CEP128: variants seen among roughly 807,000 people sequenced by gnomAD.
CEP128 encodes the protein centrosomal protein 128.
Under a neutral mutation model 156.7 loss-of-function variants are expected in CEP128, and 132 were observed. The observed-to-expected ratio is 0.84, with a 90% CI of 0.73 to 0.97. The LOEUF (loss-of-function observed/expected upper bound fraction) is 0.97, where lower values mean the gene tolerates loss of function less well. Among genes scored for constraint, CEP128 ranks in the 50% least tolerant of loss-of-function variants. The pLI, the probability that CEP128 is intolerant of heterozygous loss-of-function variation, is 0.00. For synonymous variants in CEP128, 469 were observed against 448.9 expected, an observed-to-expected ratio of 1.04 and a Z score of -0.57; for missense variants, 1,252 against 1,281.9, an observed-to-expected ratio of 0.98 and a Z score of 0.36.
At chr14:80,639,706 T>C (rs1053277869) in intron 19 of CEP128, among the ~76,000 whole-genome samples, 1 of 152,176 alleles carries the variant, frequency 6.6e-6, no homozygotes, top group African/African-American at 2.4e-5. Flanking sequence ...CTTTCTGTGA[T>C]GACTAGTCTT....
chr14:80,765,269 T>C (rs1342637804), intron 16 of CEP128, among the ~76,000 whole-genome samples: 1 of 152,240 alleles, frequency 6.6e-6, no homozygotes, highest in Non-Finnish European at 1.5e-5. Context: ...GAAGTAGCGC[T>C]TTCTCGCAGT....
chr14:80,591,470 T>C (rs1368304173), intron 19 of CEP128, among the ~76,000 whole-genome samples: 2 of 152,150 alleles, frequency 1.3e-5, no homozygotes, highest in Non-Finnish European at 2.9e-5. Flanking sequence ...CCTAATTATA[T>C]ATGTACCCAA....
At chr14:80,956,758 C>G (rs1186478208) in intron 2 of CEP128, among the ~76,000 whole-genome samples, 1 of 152,102 alleles carries the variant, frequency 6.6e-6, no homozygotes, top group East Asian at 1.9e-4. Context: ...TAGATTTTCT[C>G]AAGAATTTAG....
chr14:80,625,690 A>G (rs776676056), intron 19 of CEP128, among the ~76,000 whole-genome samples: 19 of 151,772 alleles, frequency 1.3e-4, no homozygotes, highest in Non-Finnish European at 1.8e-4. Flanking sequence ...ATTTATTCCT[A>G]TAATCTTTCT....
intron 19 of CEP128, among the ~76,000 whole-genome samples, chr14:80,723,377 A>T (rs185385367): frequency 1.6e-4 from 25 of 152,362 alleles, no homozygotes; most frequent in Admixed American, 1.2e-3. Flanking sequence ...AAGATCCTTT[A>T]AAGAACTCAC....
At chr14:80,806,952 CTT>C (rs35955262) in intron 13 of CEP128, among the ~76,000 whole-genome samples, 4,904 of 152,162 alleles carry the variant, frequency 0.032, 250 homozygotes, top group African/African-American at 0.11. Flanking sequence ...AATACAGTAA[CTT>C]TGTGCACTTG....
At chr14:80,583,137 T>C (rs1326915071) in intron 19 of CEP128, among the ~76,000 whole-genome samples, 1 of 152,130 alleles carries the variant, frequency 6.6e-6, no homozygotes, top group Non-Finnish European at 1.5e-5. Flanking sequence ...TAAAATTATG[T>C]TCTCAGTTTT....
chr14:80,648,467 A>T (rs1325598863), intron 19 of CEP128, among the ~76,000 whole-genome samples: 3 of 152,134 alleles, frequency 2.0e-5, no homozygotes, highest in African/African-American at 7.2e-5. Context: ...AATTAATATT[A>T]TAACTAATAT....
chr14:80,795,605 T>G lies in CEP128; in HGVS notation c.1210-2495A>C, dbSNP rs1202131765. ...AGGACTATCAGTTGATGTGACCACATAGAGAGTCAACTCACTGGCACCCAG... is the reference window on the plus strand; with the variant it reads ...AGGACTATCAGTTGATGTGACCACAGAGAGAGTCAACTCACTGGCACCCAG... On this transcript the variant is annotated intron_variant, in intron 13 of 24. Transcript: ENST00000555265. 2.6e-5 allele frequency among the ~76,000 whole-genome samples: 4 copies of G among 152,160 alleles called. No homozygotes were observed. In the South Asian group the frequency reaches 8.3e-4, roughly 32 times the overall value.
chr14:80,768,278 G>A lies in CEP128; in HGVS notation c.2377-6665C>T, dbSNP rs1013046766. On this transcript the variant is annotated intron_variant, in intron 16 of 24. Coordinates refer to ENST00000555265, the MANE Select transcript of CEP128 (RefSeq NM_152446.5). Reference sequence around the variant, plus strand: ...GCTATTGTAACTATCAAGACAAGACGATATCACAATAGTGAGAGCCCTGGA... The same window carrying A: ...GCTATTGTAACTATCAAGACAAGACAATATCACAATAGTGAGAGCCCTGGA... 7.2e-5 allele frequency among the ~76,000 whole-genome samples: 11 copies of A among 152,242 alleles called. No homozygotes were observed. In the East Asian group the frequency reaches 1.7e-3, roughly 24 times the overall value.
At chr14:80,605,831 T>C (rs1056115365) in intron 19 of CEP128, among the ~76,000 whole-genome samples, 2 of 151,976 alleles carry the variant, frequency 1.3e-5, no homozygotes, top group Admixed American at 1.3e-4. Context: ...GTGGTTTTAG[T>C]CCCTTTCTAT....
intron 16 of CEP128, among the ~76,000 whole-genome samples, chr14:80,774,588 T>C (rs1359825831): frequency 6.6e-6 from 1 of 152,082 alleles, no homozygotes; most frequent in African/African-American, 2.4e-5. Context: ...TGTGTATCCA[T>C]ATTTCTTTAC....
chr14:80,724,115 T>G (rs1897925636), intron 19 of CEP128, among the ~76,000 whole-genome samples: 1 of 152,202 alleles, frequency 6.6e-6, no homozygotes, highest in South Asian at 2.1e-4. Context: ...TGCTATTGCT[T>G]TCAAATATTT....
intron 20 of CEP128, among the ~76,000 whole-genome samples, chr14:80,579,964 T>G (rs1168210646): frequency 6.6e-6 from 1 of 152,172 alleles, no homozygotes; most frequent in African/African-American, 2.4e-5. Flanking sequence ...TAAGCTCTAT[T>G]TATGTGTTAA....
At chr14:80,747,425 A>T (rs1314793923) in intron 18 of CEP128, among the ~76,000 whole-genome samples, 1 of 152,248 alleles carries the variant, frequency 6.6e-6, no homozygotes, top group East Asian at 1.9e-4. Context: ...GTCATGATAC[A>T]TGCTAAAATG....
At chr14:80,805,536 T>C (rs963245585) in intron 13 of CEP128, among the ~76,000 whole-genome samples, 4 of 152,174 alleles carry the variant, frequency 2.6e-5, no homozygotes, top group Non-Finnish European at 5.9e-5. Flanking sequence ...AGTTTTGCTT[T>C]TATTGAATAA....
chr14:80,637,673 G>C (rs1156610551), intron 19 of CEP128, among the ~76,000 whole-genome samples: 1 of 152,122 alleles, frequency 6.6e-6, no homozygotes, highest in Non-Finnish European at 1.5e-5. Flanking sequence ...AAAGAGACCA[G>C]GTCTTAAACC....
chr14:80,881,184 T>G (rs1888536500), intron 8 of CEP128, among the ~76,000 whole-genome samples: 1 of 151,776 alleles, frequency 6.6e-6, no homozygotes, highest in Admixed American at 6.6e-5. Flanking sequence ...TTAGTCAAAC[T>G]AAGAAAAAAA....
At chr14:80,722,972 A>G (rs1459328436) in intron 19 of CEP128, among the ~76,000 whole-genome samples, 6 of 151,766 alleles carry the variant, frequency 4.0e-5, no homozygotes, top group Non-Finnish European at 5.9e-5. Flanking sequence ...GACTACAGGC[A>G]CCCGCCACCA....
Sources: allele counts gnomAD v4.1 joint callset (sites outside exome capture counted in the v4.1 genomes callset), GRCh38; gene constraint gnomAD v4.1.1; transcripts MANE v1.5; gene names NCBI Gene and HGNC (gene_info 2026-07-23, HGNC 2026-07-21).